Variants in PDE4D observed in about 807,000 individuals in gnomAD.
PDE4D encodes phosphodiesterase 4D.
Under a neutral mutation model 87.4 loss-of-function variants are expected in PDE4D, and 24 were observed. The ratio of observed to expected loss-of-function variants is 0.27; its 90% CI spans 0.20 to 0.39. The LOEUF (loss-of-function observed/expected upper bound fraction) is 0.39. PDE4D is among the 10% of genes least tolerant of loss of function. The pLI is 1.00. For synonymous variants in PDE4D, 384 were observed against 383.2 expected, an observed-to-expected ratio of 1.00 and a Z score of -0.02; for missense variants, 714 against 1,041.0, an observed-to-expected ratio of 0.69 and a Z score of 4.32.
chr5:59,181,543 G>GATATATATATATATATATACATATAT (rs1741556847), intron 4 of PDE4D, among the ~76,000 whole-genome samples: 1 of 118,944 alleles, frequency 8.4e-6, no homozygotes, highest in Admixed American at 8.7e-5. Flanking sequence ...AAAGATGTCT[G>GATATATATATATATATATACATATAT]ATATATATAT....
At chr5:59,159,785 T>A (rs1780772367) in intron 5 of PDE4D, among the ~76,000 whole-genome samples, 1 of 152,214 alleles carries the variant, frequency 6.6e-6, no homozygotes, top group Non-Finnish European at 1.5e-5. Flanking sequence ...CTCAATGCAA[T>A]AGCTTGGTAA....
chr5:60,203,938 CAT>C (rs1201814400), intron 1 of PDE4D, among the ~76,000 whole-genome samples: 8 of 152,168 alleles, frequency 5.3e-5, no homozygotes, highest in Admixed American at 1.3e-4. Flanking sequence ...AAAAGATTAA[CAT>C]GTTTATAAAA....
At chr5:60,166,140 G>GC (rs1448828190) in intron 2 of PDE4D, among the ~76,000 whole-genome samples, 1 of 152,032 alleles carries the variant, frequency 6.6e-6, no homozygotes, top group Non-Finnish European at 1.5e-5. Flanking sequence ...TGTCGCCCAG[G>GC]CTGGAGTGCA....
At position 58,970,600 on chromosome 5, in the gene PDE4D, T is replaced by C. The variant is rs1188605762; in HGVS notation, c.*4064A>G. On this transcript the variant is annotated 3_prime_UTR_variant, in exon 15 of 15. Coordinates refer to ENST00000340635, the MANE Select transcript of PDE4D (RefSeq NM_001104631.2). ...ATCTTAGAGGATAGTGAATGCTTTC[T>C]GCTATGTAAACTGACATCAACCCAC... The C allele has an allele frequency of 6.6e-6, 1 of 152,226 alleles. No individual in the cohort carries two copies. Among genetic ancestry groups the C allele is most frequent in the East Asian group, 1.9e-4 (1 of 5,196 alleles). The allele number at this position is 152,226 out of a possible 1,614,324, so 9.4% of individuals were successfully genotyped here.
rs531226691 is a variant in PDE4D at position 58,982,722 on chromosome 5, A to G, written c.1553-5377T>C. ...AGTCATAGCCAGGTCAGCCTTGGTG[A>G]GTGGAAGTCCATGTTTCTAAGCACA... is the stretch of plus-strand genomic sequence containing the variant. On this transcript the variant is annotated intron_variant, in intron 11 of 14. Coordinates refer to ENST00000340635, the MANE Select transcript of PDE4D (RefSeq NM_001104631.2). Among the ~76,000 whole-genome samples the G allele has an allele frequency of 2.6e-5, 4 of 152,266 alleles. No homozygotes were observed. In the South Asian group the frequency reaches 8.3e-4, roughly 32 times the overall value.
intron 1 of PDE4D, among the ~76,000 whole-genome samples, chr5:60,455,145 T>A (rs1239786463): frequency 1.3e-5 from 2 of 152,184 alleles, no homozygotes; most frequent in South Asian, 2.1e-4. Context: ...ATTTTTTGCA[T>A]GTCAACAAAT....
chr5:59,412,043 T>G (rs80075656), intron 1 of PDE4D, among the ~76,000 whole-genome samples: 15,687 of 152,210 alleles, frequency 0.1, 937 homozygotes, highest in Middle Eastern at 0.14. Flanking sequence ...AGACTCAATA[T>G]CTATATACAA....
At chr5:59,467,743 T>C (rs185891010) in intron 1 of PDE4D, among the ~76,000 whole-genome samples, 6 of 152,302 alleles carry the variant, frequency 3.9e-5, no homozygotes, top group Admixed American at 3.3e-4. Context: ...TACACAGGAA[T>C]TGTACATGGA....
At chr5:59,056,341 C>T (rs1002755533) in intron 5 of PDE4D, among the ~76,000 whole-genome samples, 60 of 152,134 alleles carry the variant, frequency 3.9e-4, no homozygotes, top group African/African-American at 1.3e-3. Flanking sequence ...GAGCAAAGGA[C>T]GAAAGAAGGG....
chr5:60,336,891 T>C (rs1458119812), intron 1 of PDE4D, among the ~76,000 whole-genome samples: 2 of 152,332 alleles, frequency 1.3e-5, no homozygotes, highest in Admixed American at 6.5e-5. Flanking sequence ...ATTTTTAGTA[T>C]AAATACATGT....
At chr5:59,802,222 T>G (rs1767211136) in intron 1 of PDE4D, among the ~76,000 whole-genome samples, 1 of 143,880 alleles carries the variant, frequency 7.0e-6, no homozygotes, top group Non-Finnish European at 1.5e-5. Flanking sequence ...TTTTTTGTTT[T>G]GTTTTGTTTT....
intron 5 of PDE4D, among the ~76,000 whole-genome samples, chr5:59,155,756 T>C (rs1316247562): frequency 6.6e-6 from 1 of 152,002 alleles, no homozygotes; most frequent in African/African-American, 2.4e-5. Flanking sequence ...AGGGCCCAGA[T>C]GCAGGGGTTG....
rs11451682 is a variant in PDE4D at position 60,185,936 on chromosome 5, GA to G, written c.-89-250del. 8.2e-3 allele frequency among the ~76,000 whole-genome samples: 1,140 copies of G among 139,302 alleles called. 8 individuals are homozygous for G. The highest frequency in any genetic ancestry group is 9.5e-3 in the East Asian group (43 of 4,510). The allele number at this position is 139,302 out of a possible 152,430, so 91.4% of individuals were successfully genotyped here. ...ATTCAACTCTACAGTTTTAGTGGCT[GA>G]AAAAAAAAAAAAACAGATATGATAG... is the stretch of plus-strand genomic sequence containing the variant. On this transcript the variant is annotated intron_variant, in intron 1 of 16. Coordinates refer to the PDE4D transcript ENST00000502484.
chr5:59,817,505 A>G (rs1769108207), intron 1 of PDE4D, among the ~76,000 whole-genome samples: 1 of 152,150 alleles, frequency 6.6e-6, no homozygotes, highest in Admixed American at 6.5e-5. Context: ...CCTCACCCCA[A>G]TTCATATGTT....
chr5:60,473,129 AAGGAAGGAAGGAAGGAAGG>A (rs1417383078), intron 1 of PDE4D, among the ~76,000 whole-genome samples: 9,200 of 62,474 alleles, frequency 0.15, 458 homozygotes, highest in Non-Finnish European at 0.16. Context: ...GAAAGAAAGG[AAGGAAGGAAGGAAGGAAGG>A]AAGGAAGGAA....
chr5:60,319,521 C>T (rs1225097012), intron 1 of PDE4D, among the ~76,000 whole-genome samples: 2 of 152,228 alleles, frequency 1.3e-5, no homozygotes, highest in African/African-American at 4.8e-5. Flanking sequence ...TGTTCCGTTG[C>T]TGATGAGGAG....
At chr5:59,315,284 C>T (rs946847648) in intron 1 of PDE4D, among the ~76,000 whole-genome samples, 7 of 152,114 alleles carry the variant, frequency 4.6e-5, no homozygotes, top group African/African-American at 9.7e-5. Context: ...AGAAAACATA[C>T]ACCTGTTTCC....
At chr5:59,226,607 C>T (rs1050580810) in intron 1 of PDE4D, among the ~76,000 whole-genome samples, 2 of 152,142 alleles carry the variant, frequency 1.3e-5, no homozygotes, top group Non-Finnish European at 2.9e-5. Context: ...ATGTACTATA[C>T]ACTTAAAATG....
intron 1 of PDE4D, among the ~76,000 whole-genome samples, chr5:59,674,292 T>A (rs73758845): frequency 0.043 from 6,469 of 152,200 alleles, 485 homozygotes; most frequent in African/African-American, 0.15. Flanking sequence ...GCAGGGTTTT[T>A]CCAGTTTTAC....
Sources: allele counts gnomAD v4.1 joint callset (sites outside exome capture counted in the v4.1 genomes callset), GRCh38; gene constraint gnomAD v4.1.1; transcripts MANE v1.5; gene names NCBI Gene and HGNC (gene_info 2026-07-23, HGNC 2026-07-21).